Variants in PRR33 observed in about 807,000 individuals in gnomAD.
The protein encoded by PRR33 is proline rich 33.
A neutral mutation model predicts 0.5 loss-of-function variants in PRR33; 1 was observed. That is an observed-to-expected ratio of 2.18 (90% CI 0.77 to 10.34). The LOEUF is 10.34. Ranked by LOEUF, PRR33 falls within the 30% of genes most tolerant of loss-of-function variation. The pLI is 0.13. For missense variants in PRR33, 552 were observed against 251.8 expected (o/e 2.19, Z -8.07); for synonymous variants, 226 against 110.0 (o/e 2.06, Z -6.60).
exon 1 of PRR33, chr11:1,888,776 A>C: frequency 4.8e-6 from 1 of 207,774 alleles, no homozygotes; most frequent in Non-Finnish European, 9.5e-6. Flanking sequence ...AAAAGGGAGG[A>C]TCAGTGAGAG....
At chr11:1,893,859 GGATA>G (rs763029013), upstream of PRR33, among the ~76,000 whole-genome samples, 91 of 151,028 alleles carry the variant, frequency 6.0e-4, no homozygotes, top group African/African-American at 1.4e-3. Context: ...ATGAAAGGAC[GGATA>G]GATAGATAGG....
the PRR33 span, among the ~76,000 whole-genome samples, chr11:1,905,817 C>T: frequency 6.6e-6 from 1 of 151,650 alleles, no homozygotes; most frequent in South Asian, 2.1e-4. Flanking sequence ...AATCAGACAA[C>T]CTCTGCTTTC....
chr11:1,888,906 C>T, exon 1 of PRR33: 1 of 462,162 alleles, frequency 2.2e-6, no homozygotes, highest in Non-Finnish European at 3.8e-6. Context: ...CTCTGTTCCC[C>T]TCACACCACT....
chr11:1,917,519 G>T, the PRR33 span, among the ~76,000 whole-genome samples: 4 of 152,196 alleles, frequency 2.6e-5, no homozygotes, highest in African/African-American at 9.6e-5. Context: ...CCCCAACCCA[G>T]GCTGGGCCTC....
At chr11:1,891,888 C>T (rs569210288) in exon 1 of PRR33, 1 of 152,354 alleles carries the variant, frequency 6.6e-6, no homozygotes, top group African/African-American at 2.4e-5. Flanking sequence ...GCCAGCATGA[C>T]CTACCCTCGC....
the PRR33 span, among the ~76,000 whole-genome samples, chr11:1,912,302 T>C: frequency 6.6e-6 from 1 of 152,314 alleles, no homozygotes; most frequent in African/African-American, 2.4e-5. Context: ...TTTTTTGTCT[T>C]TGCACCCCTG....
chr11:1,910,166 A>G, the PRR33 span, among the ~76,000 whole-genome samples: 3 of 152,096 alleles, frequency 2.0e-5, no homozygotes, highest in Non-Finnish European at 4.4e-5. Flanking sequence ...CTTTGCAGTG[A>G]CCAACAGCAA....
the PRR33 span, among the ~76,000 whole-genome samples, chr11:1,901,971 G>C: frequency 6.6e-6 from 1 of 152,184 alleles, no homozygotes; most frequent in East Asian, 1.9e-4. Flanking sequence ...GGTGGCTCAC[G>C]CCTGTAATCC....
At chr11:1,905,837 G>A in the PRR33 span, among the ~76,000 whole-genome samples, 3 of 151,706 alleles carry the variant, frequency 2.0e-5, no homozygotes, top group Admixed American at 6.6e-5. Flanking sequence ...CTTTTTGTGG[G>A]GGGGACAGGG....
chr11:1,906,485 A>T, the PRR33 span, among the ~76,000 whole-genome samples: 1 of 152,194 alleles, frequency 6.6e-6, no homozygotes, highest in African/African-American at 2.4e-5. Context: ...GAATGCAGAC[A>T]TTGTAAACTT....
the PRR33 span, among the ~76,000 whole-genome samples, chr11:1,901,843 A>G: frequency 1.3e-5 from 2 of 152,224 alleles, no homozygotes; most frequent in Non-Finnish European, 2.9e-5. Flanking sequence ...TGTCTTGTGG[A>G]GATGTAAATT....
At chr11:1,892,203 C>T (rs749722687), upstream of PRR33, 1 of 152,350 alleles carries the variant, frequency 6.6e-6, no homozygotes, top group Non-Finnish European at 1.5e-5. Context: ...TGCTGCGTCC[C>T]CCGCTGCTTG....
At chr11:1,888,481 T>G (rs1409780766) in exon 1 of PRR33, 2 of 151,362 alleles carry the variant, frequency 1.3e-5, no homozygotes. Flanking sequence ...TCAGCCCAGG[T>G]AGGGGAAGCA....
At position 1,889,299 on chromosome 11, in the gene PRR33, C is replaced by T. The variant is rs541935482; in HGVS notation, c.1286G>A (p.Ser429Asn). 5.8e-4 allele frequency: 404 copies of T among 700,338 alleles called. 10 individuals carry two copies. The highest frequency in any genetic ancestry group is 5.6e-3 in the South Asian group (374 of 66,226). The allele number at this position is 700,338 out of a possible 1,614,324, so 43.4% of individuals were successfully genotyped here. ...GTACAGGAAGGGCAGGCGGGTGAGG[C>T]TGGCTGGGGTGTGCTCCCCACCGCT... Residue 429 changes from serine to asparagine, a missense_variant, in exon 1 of 1, where the codon AGC (serine) becomes AAC (asparagine). By Grantham distance (46) the Ser-to-Asn change is conservative. Coordinates refer to ENST00000640310, the Ensembl canonical transcript of PRR33.
the PRR33 span, among the ~76,000 whole-genome samples, chr11:1,905,433 CTTTTTTTTTTT>C: frequency 4.1e-5 from 4 of 97,884 alleles, no homozygotes; most frequent in African/African-American, 7.7e-5. Flanking sequence ...GGCCTTCTCT[CTTTTTTTTTTT>C]TTTTTTTTTT....
chr11:1,912,389 A>AT, the PRR33 span, among the ~76,000 whole-genome samples: 1 of 152,030 alleles, frequency 6.6e-6, no homozygotes, highest in East Asian at 1.9e-4. Flanking sequence ...AGTCAATTCC[A>AT]TGTTCTATTT....
the PRR33 span, among the ~76,000 whole-genome samples, chr11:1,902,884 C>G: frequency 4.6e-5 from 7 of 152,138 alleles, no homozygotes; most frequent in Admixed American, 3.9e-4. Flanking sequence ...TCATGCCCCC[C>G]ACCCCTGCTT....
chr11:1,889,401 G>T, exon 1 of PRR33: 1 of 693,274 alleles, frequency 1.4e-6, no homozygotes. Flanking sequence ...GGAGGTCCGG[G>T]AGGCGGGGGC....
chr11:1,893,668 G>T (rs967778723), upstream of PRR33, among the ~76,000 whole-genome samples: 5 of 148,476 alleles, frequency 3.4e-5, no homozygotes, highest in Admixed American at 6.7e-5. Context: ...GGATGGGTAG[G>T]TGGTTGGATG....
Sources: allele counts gnomAD v4.1 joint callset (sites outside exome capture counted in the v4.1 genomes callset), GRCh38; gene constraint gnomAD v4.1.1; transcripts MANE v1.5; gene names NCBI Gene and HGNC (gene_info 2026-07-23, HGNC 2026-07-21).